The following TMPRSS12 variants were observed in gnomAD, a reference collection of about 807,000 sequenced individuals.
The protein encoded by TMPRSS12 is transmembrane serine protease 12, also known as transmembrane protease serine 12.
TMPRSS12 carries 25 observed loss-of-function variants against 26.0 expected under a neutral mutation model. That is an observed-to-expected ratio of 0.96 (90% confidence interval 0.70 to 1.34). TMPRSS12 has a LOEUF of 1.34. Among genes scored for constraint, TMPRSS12 ranks in the 40% most tolerant of loss-of-function variants. The probability of loss-of-function intolerance (pLI) is 0.00; values close to 1 mark genes in which losing one functional copy is unlikely to be tolerated. For missense variants in TMPRSS12, 441 were observed against 440.1 expected, an observed-to-expected ratio of 1.00 and a Z score of -0.02; for synonymous variants, 150 against 161.7, an observed-to-expected ratio of 0.93 and a Z score of 0.55.
chr12:50,843,579 AATTTTT>A (rs1271068908), intron 1 of TMPRSS12, among the ~76,000 whole-genome samples: 1 of 152,134 alleles, frequency 6.6e-6, no homozygotes, highest in Non-Finnish European at 1.5e-5. Context: ...CGTGGCCAAA[AATTTTT>A]ATTTTTATAT....
chr12:50,858,695 T>C (rs1937904574), intron 2 of TMPRSS12, 90 bp from the exon 3 acceptor site: 1 of 1,039,696 alleles, frequency 9.6e-7, no homozygotes, highest in Non-Finnish European at 1.3e-6. Context: ...TTTTTATTAA[T>C]CTAACATGAG....
At chr12:50,871,742 A>C (rs578064896) in intron 3 of TMPRSS12, among the ~76,000 whole-genome samples, 1 of 152,168 alleles carries the variant, frequency 6.6e-6, no homozygotes, top group East Asian at 1.9e-4. Flanking sequence ...ACAAATCAGC[A>C]AGCAAAAAAA....
At chr12:50,869,453 G>A (rs1938021920) in intron 3 of TMPRSS12, among the ~76,000 whole-genome samples, 1 of 152,124 alleles carries the variant, frequency 6.6e-6, no homozygotes, top group South Asian at 2.1e-4. Flanking sequence ...AAATCAGGAA[G>A]AAATAGATAC....
chr12:50,887,112 C>T, intron 4 of TMPRSS12, 150 bp from the exon 5 acceptor site: 2 of 843,642 alleles, frequency 2.4e-6, no homozygotes, highest in Non-Finnish European at 3.4e-6. Context: ...GAAGTTTAAG[C>T]TCAAAATCTA....
intron 3 of TMPRSS12, among the ~76,000 whole-genome samples, chr12:50,884,951 C>A (rs1938210639): frequency 6.6e-6 from 1 of 150,382 alleles, no homozygotes; most frequent in Non-Finnish European, 1.5e-5. Context: ...AGCTGAGGCA[C>A]AAGAGTTGCT....
chr12:50,881,786 T>C (rs931372795), intron 3 of TMPRSS12, among the ~76,000 whole-genome samples: 1 of 149,782 alleles, frequency 6.7e-6, no homozygotes, highest in African/African-American at 2.5e-5. Context: ...CTGGCCAACA[T>C]GGTAAAAAAC....
At chr12:50,847,943 A>G (rs1361034149) in intron 2 of TMPRSS12, 1 of 151,916 alleles carries the variant, frequency 6.6e-6, no homozygotes, top group Non-Finnish European at 1.5e-5. Context: ...CAACTAGATC[A>G]GCGTGAGGGA....
intron 3 of TMPRSS12, among the ~76,000 whole-genome samples, chr12:50,877,740 G>A (rs1397794012): frequency 6.6e-6 from 1 of 152,144 alleles, no homozygotes; most frequent in East Asian, 1.9e-4. Context: ...TTCCTGAGTA[G>A]CTGGGATTAC....
chr12:50,845,621 C>G (rs1271632083), intron 2 of TMPRSS12, among the ~76,000 whole-genome samples: 1 of 152,096 alleles, frequency 6.6e-6, no homozygotes, highest in Admixed American at 6.5e-5. Flanking sequence ...AGCTCCATTA[C>G]CCAGAGAGTT....
intron 2 of TMPRSS12, among the ~76,000 whole-genome samples, chr12:50,849,696 G>A (rs1298290967): frequency 6.6e-6 from 1 of 151,070 alleles, no homozygotes; most frequent in Non-Finnish European, 1.5e-5. Context: ...CATCCATGCT[G>A]TTTTGTGTGT....
intron 3 of TMPRSS12, among the ~76,000 whole-genome samples, chr12:50,873,187 G>C (rs1938083312): frequency 6.6e-6 from 1 of 151,262 alleles, no homozygotes; most frequent in South Asian, 2.1e-4. Flanking sequence ...GGACTCAGGG[G>C]AAAGGGTGGG....
chr12:50,861,677 A>G (rs1937936600), intron 3 of TMPRSS12, among the ~76,000 whole-genome samples: 1 of 152,216 alleles, frequency 6.6e-6, no homozygotes, highest in Non-Finnish European at 1.5e-5. Flanking sequence ...ATACTATAAA[A>G]TGAATGAGTA....
At chr12:50,862,237 C>A (rs1937943681) in intron 3 of TMPRSS12, among the ~76,000 whole-genome samples, 1 of 152,090 alleles carries the variant, frequency 6.6e-6, no homozygotes. Context: ...ATGTACATAC[C>A]AAGCTCCCCA....
intron 3 of TMPRSS12, 84 bp from the exon 4 acceptor site, chr12:50,885,162 G>T: frequency 7.8e-7 from 1 of 1,279,868 alleles, no homozygotes; most frequent in Non-Finnish European, 1.1e-6. Context: ...CAGTCACTTT[G>T]GAAAGAAAAC....
chr12:50,852,238 C>T (rs1352317956), intron 2 of TMPRSS12, among the ~76,000 whole-genome samples: 1 of 152,170 alleles, frequency 6.6e-6, no homozygotes, highest in African/African-American at 2.4e-5. Context: ...TTATAAGGCA[C>T]AGAGTGGCAA....
intron 3 of TMPRSS12, among the ~76,000 whole-genome samples, chr12:50,872,139 C>T (rs1483880414): frequency 6.6e-6 from 1 of 152,182 alleles, no homozygotes; most frequent in Non-Finnish European, 1.5e-5. Context: ...GAAACTTGCA[C>T]ACGCGTGTTT....
chr12:50,861,528 T>A (rs1420462708), intron 3 of TMPRSS12, among the ~76,000 whole-genome samples: 2 of 152,184 alleles, frequency 1.3e-5, no homozygotes, highest in Non-Finnish European at 2.9e-5. Context: ...TGAATGACCA[T>A]GGGCATGTTA....
chr12:50,872,963 G>A (rs1384962133), intron 3 of TMPRSS12, among the ~76,000 whole-genome samples: 1 of 148,930 alleles, frequency 6.7e-6, no homozygotes, highest in Non-Finnish European at 1.5e-5. Flanking sequence ...GTATATATAT[G>A]TACATATATA....
chr12:50,875,296 C>G (rs780188575), intron 3 of TMPRSS12, among the ~76,000 whole-genome samples: 2 of 151,816 alleles, frequency 1.3e-5, no homozygotes, highest in Non-Finnish European at 2.9e-5. Context: ...TTGAGACTAG[C>G]CTGGCCAATA....
Sources: gnomAD v4.1 joint callset for allele counts (sites outside exome capture counted in the v4.1 genomes callset) on GRCh38, gnomAD v4.1.1 for gene constraint, MANE v1.5 for transcripts, NCBI Gene and HGNC (gene_info 2026-07-23, HGNC 2026-07-21) for gene names.